The following COL26A1 variants were observed in gnomAD, a reference collection of about 807,000 sequenced individuals.
COL26A1 encodes collagen type XXVI alpha 1 chain, also known as collagen alpha-1(XXVI) chain.
COL26A1 carries 41 observed loss-of-function variants against 59.3 expected under a neutral mutation model. The observed-to-expected ratio is 0.69, with a 90% CI of 0.54 to 0.90. The LOEUF (loss-of-function observed/expected upper bound fraction) is 0.90, where lower values mean the gene tolerates loss of function less well. Ranked by LOEUF, COL26A1 falls within the 40% of genes least tolerant of loss-of-function variation. The probability of loss-of-function intolerance (pLI) is 0.00; values close to 1 mark genes in which losing one functional copy is unlikely to be tolerated. For missense variants in COL26A1, 612 were observed against 602.3 expected (o/e 1.02, Z -0.17); for synonymous variants, 266 against 256.0 (o/e 1.04, Z -0.37).
intron 2 of COL26A1, among the ~76,000 whole-genome samples, chr7:101,446,850 T>TA (rs543443372): frequency 7.2e-4 from 86 of 119,002 alleles, no homozygotes; most frequent in East Asian, 9.5e-4. Context: ...CTGTCTCAAC[T>TA]AAAAAAAAAA....
At chr7:101,385,244 T>TAC (rs1375274421) in intron 1 of COL26A1, among the ~76,000 whole-genome samples, 5 of 145,654 alleles carry the variant, frequency 3.4e-5, no homozygotes, top group Non-Finnish European at 6.2e-5. Flanking sequence ...TATATATATA[T>TAC]ATATATACAC....
Position 101,420,910 on chromosome 7 carries a change from C to T in COL26A1, c.281+811C>T, listed in dbSNP as rs1028671018. ...CCAACTCTCCTTCTTTTCCCTTCTT[C>T]CTCCTCTCCAGGCCGTGCTTAGCTC... On this transcript the variant is annotated intron_variant, in intron 2 of 12. Transcript: ENST00000313669. 4.0e-4 allele frequency among the ~76,000 whole-genome samples: 61 copies of T among 152,078 alleles called. 1 individual carries two copies. The highest frequency in any genetic ancestry group is 1.3e-4 in the Admixed American group (2 of 15,246).
At chr7:101,416,348 T>C (rs1477592639) in intron 1 of COL26A1, among the ~76,000 whole-genome samples, 1 of 143,576 alleles carries the variant, frequency 7.0e-6, no homozygotes, top group African/African-American at 2.5e-5. Context: ...GCCATGATCA[T>C]GCCACTACAC....
intron 2 of COL26A1, among the ~76,000 whole-genome samples, chr7:101,443,244 C>G (rs1180677125): frequency 6.6e-6 from 1 of 152,188 alleles, no homozygotes; most frequent in Non-Finnish European, 1.5e-5. Context: ...CTCCAGCTCA[C>G]AGCTGTGGGC....
intron 1 of COL26A1, among the ~76,000 whole-genome samples, chr7:101,394,777 C>CT (rs560154675): frequency 3.6e-4 from 55 of 150,982 alleles, no homozygotes; most frequent in African/African-American, 1.3e-3. Flanking sequence ...TGTCCTGACT[C>CT]TGTGTCTCTG....
At chr7:101,509,980 A>C (rs1488830587) in intron 3 of COL26A1, among the ~76,000 whole-genome samples, 1 of 148,828 alleles carries the variant, frequency 6.7e-6, no homozygotes, top group Admixed American at 6.7e-5. Flanking sequence ...TGCCAATCTC[A>C]GCCTCCCAAA....
At chr7:101,466,837 T>TGTGTGTGTGTGTGTGTGTGTGTGTGA (rs764059657) in intron 3 of COL26A1, among the ~76,000 whole-genome samples, 5 of 122,712 alleles carry the variant, frequency 4.1e-5, no homozygotes, top group African/African-American at 9.5e-5. Flanking sequence ...TGTGTGTGTG[T>TGTGTGTGTGTGTGTGTGTGTGTGTGA]GAGAGAGAGA....
chr7:101,507,691 T>TA (rs1794841053), intron 3 of COL26A1, among the ~76,000 whole-genome samples: 1 of 152,162 alleles, frequency 6.6e-6, no homozygotes, highest in Non-Finnish European at 1.5e-5. Context: ...AGGTTGGGAT[T>TA]ACTGGCGTGA....
chr7:101,527,127 T>C (rs2898583), intron 3 of COL26A1, among the ~76,000 whole-genome samples: 83,183 of 149,666 alleles, frequency 0.56, 24,728 homozygotes, highest in African/African-American at 0.77. Context: ...CACGCCACCA[T>C]ATCTAGCTAA....
intron 3 of COL26A1, among the ~76,000 whole-genome samples, chr7:101,467,906 G>GTTGAACCTACC (rs1196050244): frequency 6.6e-6 from 1 of 152,016 alleles, no homozygotes; most frequent in Non-Finnish European, 1.5e-5. Context: ...GAGCCGCCAT[G>GTTGAACCTACC]TTGAACCTAC....
At chr7:101,439,479 AG>A (rs1792996239) in intron 2 of COL26A1, among the ~76,000 whole-genome samples, 1 of 143,228 alleles carries the variant, frequency 7.0e-6, no homozygotes, top group South Asian at 2.3e-4. Flanking sequence ...ACTTGAACCC[AG>A]GAGGCGGAGG....
At chr7:101,532,635 AT>A (rs1414693665) in intron 3 of COL26A1, among the ~76,000 whole-genome samples, 1 of 152,098 alleles carries the variant, frequency 6.6e-6, no homozygotes, top group African/African-American at 2.4e-5. Flanking sequence ...TGGCTTTGGC[AT>A]CCCCTTCCTA....
chr7:101,367,126 G>A (rs1412737609), intron 1 of COL26A1, among the ~76,000 whole-genome samples: 1 of 152,182 alleles, frequency 6.6e-6, no homozygotes, highest in Non-Finnish European at 1.5e-5. Flanking sequence ...AGGTTGGAAG[G>A]TTTGATTAGA....
chr7:101,449,778 G>A (rs1436202433), intron 3 of COL26A1, among the ~76,000 whole-genome samples: 2 of 152,148 alleles, frequency 1.3e-5, no homozygotes, highest in Admixed American at 6.6e-5. Flanking sequence ...GAAGAACTCA[G>A]AGAATGTATT....
intron 6 of COL26A1, 127 bp from the exon 7 acceptor site, chr7:101,545,211 C>T (rs1795707344): frequency 7.8e-6 from 6 of 769,778 alleles, no homozygotes; most frequent in Non-Finnish European, 1.2e-5. Flanking sequence ...GATCGGAGGT[C>T]ACCACTGACT....
intron 3 of COL26A1, among the ~76,000 whole-genome samples, chr7:101,472,762 T>G (rs1276162552): frequency 1.3e-5 from 2 of 151,944 alleles, no homozygotes; most frequent in Admixed American, 1.3e-4. Context: ...AACACCGCAA[T>G]CTGTGGCTCT....
chr7:101,553,488 G>C, intron 11 of COL26A1, 112 bp downstream of exon 11: 1 of 1,046,096 alleles, frequency 9.6e-7, no homozygotes, highest in Non-Finnish European at 1.4e-6. Context: ...CCCGAGCTGG[G>C]TGCTGGGCCA....
intron 3 of COL26A1, among the ~76,000 whole-genome samples, chr7:101,499,967 C>T (rs1398742417): frequency 2.0e-5 from 3 of 151,848 alleles, no homozygotes; most frequent in Admixed American, 2.0e-4. Flanking sequence ...CAGTGTTCTA[C>T]CCTTACCCTT....
rs1331675062 is a variant in COL26A1 at position 101,439,989 on chromosome 7, C to T, written c.282-7695C>T. ...GCCTGGTGTCCTCAACTGAGTGCGG[C>T]CTTAAGGCTGACAGAGGTTAAATAA... On this transcript the variant is annotated intron_variant, in intron 2 of 12. Coordinates refer to ENST00000313669, the MANE Select transcript of COL26A1 (RefSeq NM_001278563.3). Among the ~76,000 whole-genome samples, 3 of 152,148 alleles carry T rather than the reference C, an allele frequency of 2.0e-5. No individual in the cohort carries two copies. The Middle Eastern group carries it at 0.01, about 518-fold the overall frequency.
Sources: gnomAD v4.1 joint callset for allele counts (sites outside exome capture counted in the v4.1 genomes callset) on GRCh38, gnomAD v4.1.1 for gene constraint, MANE v1.5 for transcripts, NCBI Gene and HGNC (gene_info 2026-07-23, HGNC 2026-07-21) for gene names.